Variants in PALM2AKAP2 observed in about 807,000 individuals in gnomAD.
PALM2AKAP2 encodes the protein PALM2 and AKAP2 fusion.
A neutral mutation model predicts 71.5 loss-of-function variants in PALM2AKAP2; 37 were observed. The ratio of observed to expected loss-of-function variants is 0.52; its 90% confidence interval spans 0.40 to 0.68. The LOEUF (loss-of-function observed/expected upper bound fraction) is 0.68, where lower values mean the gene tolerates loss of function less well. Among genes scored for constraint, PALM2AKAP2 ranks in the 30% least tolerant of loss-of-function variants. The probability of loss-of-function intolerance (pLI) is 0.00; values close to 1 mark genes in which losing one functional copy is unlikely to be tolerated. For missense variants in PALM2AKAP2, 1,224 were observed against 1,191.8 expected (o/e 1.03, Z -0.40); for synonymous variants, 468 against 478.8 (o/e 0.98, Z 0.29).
At chr9:109,870,025 T>TGGC (rs1829563750) in intron 2 of PALM2AKAP2, among the ~76,000 whole-genome samples, 1 of 152,142 alleles carries the variant, frequency 6.6e-6, no homozygotes, top group Admixed American at 6.5e-5. Flanking sequence ...GTTCCAAAGG[T>TGGC]GGCAGTGGTT....
At chr9:109,833,262 G>T (rs1828361254) in intron 1 of PALM2AKAP2, among the ~76,000 whole-genome samples, 1 of 152,202 alleles carries the variant, frequency 6.6e-6, no homozygotes, top group African/African-American at 2.4e-5. Context: ...GGCTGAGGCA[G>T]GAGAATTGCT....
At chr9:109,741,442 A>AGGTCT (rs1254646668) in intron 1 of PALM2AKAP2, among the ~76,000 whole-genome samples, 1 of 152,182 alleles carries the variant, frequency 6.6e-6, no homozygotes, top group Non-Finnish European at 1.5e-5. Flanking sequence ...CTTATTGTGC[A>AGGTCT]TATACGTTTG....
At chr9:109,813,252 G>A (rs1221779814) in intron 1 of PALM2AKAP2, among the ~76,000 whole-genome samples, 1 of 152,144 alleles carries the variant, frequency 6.6e-6, no homozygotes, top group African/African-American at 2.4e-5. Context: ...GCTGAGGCTT[G>A]ATTTGTCAAG....
intron 1 of PALM2AKAP2, among the ~76,000 whole-genome samples, chr9:109,753,049 G>A (rs906569987): frequency 1.3e-5 from 2 of 152,060 alleles, no homozygotes; most frequent in Non-Finnish European, 2.9e-5. Context: ...ATAGTGTCCC[G>A]CTTCCTCAAG....
rs1250292356 is a variant in PALM2AKAP2 at position 109,913,756 on chromosome 9, T to C, written c.258-9979T>C. On this transcript the variant is annotated intron_variant, in intron 3 of 9. Coordinates refer to the PALM2AKAP2 transcript ENST00000302798. Reference sequence around the variant, plus strand: ...GTGGCTTAAACAAGATGCTTATTTCTTTTTTTTTTTTTTTTTTTGAGACGG... The same window carrying C: ...GTGGCTTAAACAAGATGCTTATTTCCTTTTTTTTTTTTTTTTTTGAGACGG... 5.9e-4 allele frequency among the ~76,000 whole-genome samples: 3 copies of C among 5,118 alleles called. No homozygotes were observed. The African/African-American group carries it at 6.9e-3, about 12-fold the overall frequency. The allele number at this position is 5,118 out of a possible 152,430, so 3.4% of individuals were successfully genotyped here.
chr9:109,711,595 T>G (rs1828238575), intron 1 of PALM2AKAP2, among the ~76,000 whole-genome samples: 1 of 152,190 alleles, frequency 6.6e-6, no homozygotes, highest in Admixed American at 6.5e-5. Context: ...TGGTCCTGAG[T>G]GTGCTGGTTA....
intron 6 of PALM2AKAP2, chr9:109,945,533 T>A (rs1831482944): frequency 1.3e-5 from 2 of 152,258 alleles, no homozygotes; most frequent in South Asian, 4.1e-4. Flanking sequence ...GGCATGCAGA[T>A]AAACCTATTT....
intron 1 of PALM2AKAP2, among the ~76,000 whole-genome samples, chr9:110,049,782 G>A (rs1017324873): frequency 2.6e-4 from 39 of 152,344 alleles, no homozygotes; most frequent in African/African-American, 7.5e-4. Context: ...AACGGAGCCC[G>A]GGAGAGCCGG....
At chr9:110,121,756 G>A (rs555108233) in intron 1 of PALM2AKAP2, among the ~76,000 whole-genome samples, 13 of 152,256 alleles carry the variant, frequency 8.5e-5, no homozygotes, top group African/African-American at 2.4e-4. Context: ...TACAAGCTGC[G>A]CCTCCTTCTA....
chr9:109,974,432 C>A (rs75712928), intron 6 of PALM2AKAP2, among the ~76,000 whole-genome samples: 2,205 of 152,034 alleles, frequency 0.015, 30 homozygotes, highest in Non-Finnish European at 0.022. Context: ...GCCTTACCTA[C>A]ACTCAGAGCC....
exon 2 of PALM2AKAP2, chr9:110,137,463 C>T: frequency 6.2e-7 from 1 of 1,614,090 alleles, no homozygotes; most frequent in Non-Finnish European, 8.5e-7. Context: ...CAGGGCAACA[C>T]AGCCTCTCAG....
chr9:110,132,051 G>GTC (rs1419927253), intron 1 of PALM2AKAP2, among the ~76,000 whole-genome samples: 1 of 151,686 alleles, frequency 6.6e-6, no homozygotes, highest in Admixed American at 6.6e-5. Flanking sequence ...GTGTGTGTGT[G>GTC]TGTGTGTGTG....
exon 2 of PALM2AKAP2, chr9:110,136,185 G>A (rs1351768235): frequency 1.9e-6 from 3 of 1,612,386 alleles, no homozygotes; most frequent in Admixed American, 1.7e-5. Flanking sequence ...GACAACTATA[G>A]TGCCACCCTC....
intron 6 of PALM2AKAP2, among the ~76,000 whole-genome samples, chr9:109,958,447 G>T (rs1446933751): frequency 6.6e-6 from 1 of 152,154 alleles, no homozygotes; most frequent in Non-Finnish European, 1.5e-5. Flanking sequence ...GTATGACTTA[G>T]AGGAAGTCAT....
At chr9:110,015,074 G>A (rs1463036316) in intron 6 of PALM2AKAP2, among the ~76,000 whole-genome samples, 1 of 151,914 alleles carries the variant, frequency 6.6e-6, no homozygotes, top group Admixed American at 6.6e-5. Flanking sequence ...CAATCGGGTA[G>A]CTTTAGAAGA....
At chr9:110,002,261 A>G (rs891915187) in intron 6 of PALM2AKAP2, among the ~76,000 whole-genome samples, 2 of 152,108 alleles carry the variant, frequency 1.3e-5, no homozygotes, top group Non-Finnish European at 1.5e-5. Context: ...TTCTGCATCT[A>G]TTGAGATAAT....
chr9:109,784,164 T>C (rs1826901020), intron 1 of PALM2AKAP2, among the ~76,000 whole-genome samples: 1 of 152,258 alleles, frequency 6.6e-6, no homozygotes, highest in Non-Finnish European at 1.5e-5. Context: ...TCCCAGGGAC[T>C]AATAACAACA....
intron 3 of PALM2AKAP2, among the ~76,000 whole-genome samples, chr9:109,905,596 AC>A (rs2131867779): frequency 1.3e-5 from 2 of 152,348 alleles, no homozygotes; most frequent in African/African-American, 4.8e-5. Flanking sequence ...TCTCAGCCAT[AC>A]AGGAGAAAAG....
intron 1 of PALM2AKAP2, among the ~76,000 whole-genome samples, chr9:110,104,679 T>G (rs1236379109): frequency 6.6e-6 from 1 of 152,212 alleles, no homozygotes; most frequent in Non-Finnish European, 1.5e-5. Context: ...GAAACCAGTT[T>G]CAAAACCTGA....
Sources: gnomAD v4.1 joint callset for allele counts (sites outside exome capture counted in the v4.1 genomes callset) on GRCh38, gnomAD v4.1.1 for gene constraint, MANE v1.5 for transcripts, NCBI Gene and HGNC (gene_info 2026-07-23, HGNC 2026-07-21) for gene names.